Variants in ADRA1A observed in about 807,000 individuals in gnomAD.
ADRA1A encodes alpha-1A adrenergic receptor.
A neutral mutation model predicts 29.6 loss-of-function variants in ADRA1A; 31 were observed. The ratio of observed to expected loss-of-function variants is 1.05; its 90% CI spans 0.79 to 1.41. The LOEUF (loss-of-function observed/expected upper bound fraction) is 1.41. Ranked by LOEUF, ADRA1A falls within the 40% of genes most tolerant of loss-of-function variation. ADRA1A has a pLI of 0.00. For missense variants in ADRA1A, 619 were observed against 601.1 expected (o/e 1.03, Z -0.31); for synonymous variants, 311 against 254.3 (o/e 1.22, Z -2.12).
intron 2 of ADRA1A, among the ~76,000 whole-genome samples, chr8:26,816,235 C>A (rs980882240): frequency 4.6e-5 from 7 of 152,232 alleles, no homozygotes; most frequent in African/African-American, 1.7e-4. Context: ...CTGTCACCTT[C>A]AAGGAATTGG....
chr8:26,770,414 A>C lies in ADRA1A; in HGVS notation c.1136T>G (p.Val379Gly). ...GQHKDMVRIP[V>G]GSRETFYRIS... ...CCTGTAGAAGGTCTCTCTTGATCCC[A>C]CGGGGATGCGCACCATGTCCTTGTG... The change falls in exon 3 of 3, where the codon GTG (valine) becomes GGG (glycine). Residue 379 changes from valine to glycine, a missense_variant. Physicochemically the swap from Val to Gly is moderately radical, Grantham distance 109. Coordinates refer to ENST00000380573, the MANE Select transcript of ADRA1A (RefSeq NM_000680.4). The C allele has an allele frequency of 1.2e-6, 2 of 1,614,152 alleles. No individual in the cohort carries two copies. The highest frequency in any genetic ancestry group is 1.7e-6 in the Non-Finnish European group (2 of 1,180,016).
intron 2 of ADRA1A, among the ~76,000 whole-genome samples, chr8:26,858,736 G>A (rs910020822): frequency 6.6e-6 from 1 of 152,134 alleles, no homozygotes; most frequent in African/African-American, 2.4e-5. Context: ...CATCTCCATG[G>A]CCAAAATTTG....
At chr8:26,764,452 A>G (rs553371149), downstream of ADRA1A, among the ~76,000 whole-genome samples, 4 of 152,356 alleles carry the variant, frequency 2.6e-5, no homozygotes, top group African/African-American at 9.6e-5. Context: ...GAGATAAGGC[A>G]GGAGAGAAAG....
At chr8:26,774,962 A>T (rs2130310790) in intron 2 of ADRA1A, among the ~76,000 whole-genome samples, 2 of 152,300 alleles carry the variant, frequency 1.3e-5, no homozygotes, top group East Asian at 3.9e-4. Context: ...GTGGGAAGAC[A>T]GCTGGAGAAT....
At chr8:26,781,763 CA>C (rs1193996295) in intron 2 of ADRA1A, among the ~76,000 whole-genome samples, 2 of 152,174 alleles carry the variant, frequency 1.3e-5, no homozygotes, top group Non-Finnish European at 2.9e-5. Context: ...AGTCCAAGGC[CA>C]AACACCACAC....
intron 2 of ADRA1A, among the ~76,000 whole-genome samples, chr8:26,749,031 G>T (rs754943916): frequency 6.6e-6 from 1 of 152,144 alleles, no homozygotes; most frequent in Non-Finnish European, 1.5e-5. Context: ...AATTTGTTAG[G>T]GGAGGTATCA....
Position 26,838,986 on chromosome 8 carries a change from T to A in ADRA1A, c.883+25101A>T, listed in dbSNP as rs560325745. 4.7e-4 allele frequency among the ~76,000 whole-genome samples: 71 copies of A among 152,292 alleles called. 1 individual carries two copies. The South Asian group carries it at 0.015, about 32-fold the overall frequency. Reference sequence around the variant, plus strand: ...GACAAGTCAGATATTAAACCCAGTATAATGAAAACCAGGTCTTTACATTAG... The same window carrying A: ...GACAAGTCAGATATTAAACCCAGTAAAATGAAAACCAGGTCTTTACATTAG... On this transcript the variant is annotated intron_variant, in intron 2 of 2. Coordinates refer to ENST00000380573, the MANE Select transcript of ADRA1A (RefSeq NM_000680.4).
At chr8:26,773,741 C>T (rs751100765) in intron 2 of ADRA1A, among the ~76,000 whole-genome samples, 2 of 152,186 alleles carry the variant, frequency 1.3e-5, no homozygotes, top group Non-Finnish European at 2.9e-5. Flanking sequence ...GTTTTGCACT[C>T]GTAAATCTCA....
In ADRA1A at chr8:26,864,379, C is replaced by T. The variant is rs1485567768; in HGVS notation, c.591G>A (p.Leu197=). 2 of 1,613,880 alleles carry T rather than the reference C, an allele frequency of 1.2e-6. No homozygotes were observed. The highest frequency in any genetic ancestry group is 1.7e-5 in the Admixed American group (1 of 60,024). ...FSALGSFYLP[L]AIILVMYCRV... is the part of the protein sequence containing the mutation. The stretch of plus-strand genomic sequence containing the variant: ...GGCAGTACATGACCAGGATGATGGC[C>T]AGAGGCAGGTAGAAGGAGCCCAGCG... Residue 197 remains leucine (L), a synonymous_variant, in exon 2 of 3, where the codon CTG becomes CTA. Coordinates refer to ENST00000380573, the MANE Select transcript of ADRA1A (RefSeq NM_000680.4). This position sits in a 1 kb window ranked among gnomAD's most constrained non-coding sequence, Gnocchi z 8.1.
intron 2 of ADRA1A, among the ~76,000 whole-genome samples, chr8:26,778,231 G>C (rs1563245087): frequency 6.6e-6 from 1 of 152,144 alleles, no homozygotes; most frequent in Non-Finnish European, 1.5e-5. Context: ...AAGAACGCTG[G>C]AAAGAGTAAT....
rs1048300442 is a variant in ADRA1A at position 26,867,046 on chromosome 8, T to G, written c.-797A>C. Reference sequence around the variant, plus strand: ...CTGGAGGCGGAGAGGGGACCGTGTCTCCGAGGCACCAAATCCTTGTCCTTT... The same window carrying G: ...CTGGAGGCGGAGAGGGGACCGTGTCGCCGAGGCACCAAATCCTTGTCCTTT... On this transcript the variant is annotated 5_prime_UTR_variant, in exon 1 of 3. Transcript: ENST00000380573. 23 of 985,238 alleles carry G rather than the reference T, an allele frequency of 2.3e-5. No homozygotes were observed. Among genetic ancestry groups the G allele is most frequent in the Non-Finnish European group, 2.8e-5 (23 of 829,962 alleles). 61.0% of individuals were successfully genotyped at this position (985,238 alleles called of 1,614,324 possible).
chr8:26,798,306 C>T (rs1185463105), intron 2 of ADRA1A, among the ~76,000 whole-genome samples: 1 of 152,110 alleles, frequency 6.6e-6, no homozygotes, highest in African/African-American at 2.4e-5. Flanking sequence ...AGTGATGTTC[C>T]AAGTGATTTG....
Position 26,866,945 on chromosome 8 carries a change from C to G in ADRA1A, c.-696G>C. 1.0e-6 allele frequency: 1 copy of G among 985,270 alleles called. No individual in the cohort carries two copies. Among genetic ancestry groups the G allele is most frequent in the African/African-American group, 1.7e-5 (1 of 57,330 alleles). The allele number at this position is 985,270 out of a possible 1,614,324, so 61.0% of individuals were successfully genotyped here. ...GCCCCGGCGCACTCACCTGAAGCGC[C>G]GCTGCTGAGCCACCAGCTCGCGCGC... On this transcript the variant is annotated 5_prime_UTR_variant, in exon 1 of 3. Transcript: ENST00000380573. The surrounding 1 kb of genome is among the most constrained non-coding windows in gnomAD (Gnocchi z 5.7).
intron 2 of ADRA1A, among the ~76,000 whole-genome samples, chr8:26,789,877 G>T (rs1360078249): frequency 1.3e-5 from 2 of 152,006 alleles, no homozygotes; most frequent in Admixed American, 6.6e-5. Context: ...GAATCATCAG[G>T]TATATGCAAA....
At chr8:26,793,036 G>C (rs62492213) in intron 2 of ADRA1A, among the ~76,000 whole-genome samples, 3 of 151,534 alleles carry the variant, frequency 2.0e-5, no homozygotes, top group Non-Finnish European at 4.4e-5. Flanking sequence ...CTAAGCCTAG[G>C]TAAAAAAAAT....
chr8:26,830,843 C>G (rs374011022), intron 2 of ADRA1A, among the ~76,000 whole-genome samples: 23 of 152,296 alleles, frequency 1.5e-4, no homozygotes, highest in African/African-American at 5.5e-4. Flanking sequence ...CCTGCCAGAA[C>G]AAAGCTGGGT....
chr8:26,763,458 C>T (rs1805617604), downstream of ADRA1A, among the ~76,000 whole-genome samples: 1 of 152,198 alleles, frequency 6.6e-6, no homozygotes, highest in Admixed American at 6.5e-5. The surrounding 1 kb of genome is among the most constrained non-coding windows in gnomAD (Gnocchi z 4.5). Flanking sequence ...CCCCAGTGGA[C>T]CTTTCTGCTC....
downstream of ADRA1A, among the ~76,000 whole-genome samples, chr8:26,761,913 G>C (rs1805525054): frequency 6.6e-6 from 1 of 152,220 alleles, no homozygotes; most frequent in Admixed American, 6.5e-5. Context: ...CAGAGCGCCA[G>C]AAGAGAAAGA....
chr8:26,867,362 A>C (rs548755035), upstream of ADRA1A: 15 of 984,966 alleles, frequency 1.5e-5, no homozygotes, highest in African/African-American at 2.4e-4. Flanking sequence ...ATACAGCTGT[A>C]ATGTTTTCCT....
Sources: allele counts gnomAD v4.1 joint callset (sites outside exome capture counted in the v4.1 genomes callset), GRCh38; gene constraint gnomAD v4.1.1; non-coding constraint Gnocchi (gnomAD v3.1); transcripts MANE v1.5; gene names NCBI Gene and HGNC (gene_info 2026-07-23, HGNC 2026-07-21).